CUL2: variants seen among roughly 807,000 people sequenced by gnomAD.
CUL2 encodes cullin 2.
Under a neutral mutation model 110.2 loss-of-function variants are expected in CUL2, and 22 were observed. The ratio of observed to expected loss-of-function variants is 0.20; its 90% confidence interval spans 0.14 to 0.28. CUL2 has a LOEUF of 0.28. CUL2 is among the 10% of genes least tolerant of loss of function. CUL2 has a pLI of 1.00. For missense variants in CUL2, 631 were observed against 905.5 expected (o/e 0.70, Z 3.89); for synonymous variants, 279 against 293.2 (o/e 0.95, Z 0.49).
chr10:35,090,126 AG>A (rs1195739718), intron 1 of CUL2, 52 bp downstream of exon 1: 1 of 152,398 alleles, frequency 6.6e-6, no homozygotes, highest in African/African-American at 2.4e-5. Context: ...TTAACCGGGA[AG>A]GGAAGTTTCC....
chr10:35,109,692 G>A (rs1338765847), intron 1 of CUL2, among the ~76,000 whole-genome samples: 3 of 152,218 alleles, frequency 2.0e-5, no homozygotes, highest in Middle Eastern at 3.2e-3. Flanking sequence ...GGATGGATGA[G>A]TTAGGTGTGT....
At chr10:35,032,579 C>T (rs946733574) in intron 11 of CUL2, 85 bp from the exon 12 acceptor site, 2 of 963,550 alleles carry the variant, frequency 2.1e-6, no homozygotes, top group African/African-American at 3.4e-5. Context: ...TCTGTACATC[C>T]AAAAATTACC....
intron 3 of CUL2, 25 bp from the exon 4 acceptor site, chr10:35,060,993 T>G: frequency 6.3e-7 from 1 of 1,587,514 alleles, no homozygotes. Flanking sequence ...AAAATATTTT[T>G]ACTTGAAAAG....
chr10:35,010,244 T>C lies in CUL2; in HGVS notation c.*67A>G, dbSNP rs2084865449. The C allele has an allele frequency of 1.4e-6, 2 of 1,455,392 alleles. No individual in the cohort carries two copies. Among genetic ancestry groups the C allele is most frequent in the Non-Finnish European group, 1.8e-6 (2 of 1,094,908 alleles). The allele number at this position is 1,455,392 out of a possible 1,614,324, so 90.2% of individuals were successfully genotyped here. A position where few individuals can be genotyped will look rare whatever the true frequency, so the allele number is the denominator to read the frequency against. ...AATTATGGAGGCACAGTCCTGCTTT[T>C]TCCCACAGGAACACACCAAATGGTG... On this transcript the variant is annotated 3_prime_UTR_variant, in exon 21 of 21. Coordinates refer to ENST00000374749, the MANE Select transcript of CUL2 (RefSeq NM_003591.4).
At chr10:35,099,841 ATGTGTTAAG>A (rs2087352269) in intron 2 of CUL2, among the ~76,000 whole-genome samples, 1 of 152,228 alleles carries the variant, frequency 6.6e-6, no homozygotes, top group African/African-American at 2.4e-5. Context: ...TAAATAAAAT[ATGTGTTAAG>A]TAAGCCAAAA....
At chr10:35,072,765 G>C (rs1414503776) in intron 1 of CUL2, among the ~76,000 whole-genome samples, 1 of 152,178 alleles carries the variant, frequency 6.6e-6, no homozygotes, top group Non-Finnish European at 1.5e-5. Context: ...CAAATTAAAA[G>C]AGAAACTTTC....
chr10:35,049,115 T>C, intron 6 of CUL2, among the ~76,000 whole-genome samples: 1 of 152,214 alleles, frequency 6.6e-6, no homozygotes. Context: ...GGATGTTCTA[T>C]TCTAGACTCC....
chr10:35,121,415 T>C (rs1229307459), intron 1 of CUL2, among the ~76,000 whole-genome samples: 2 of 152,134 alleles, frequency 1.3e-5, no homozygotes, highest in Non-Finnish European at 2.9e-5. Context: ...TTAGTAGAGA[T>C]GGGGTTTCGC....
At chr10:35,051,483 G>C (rs1028202158) in intron 5 of CUL2, among the ~76,000 whole-genome samples, 2 of 151,798 alleles carry the variant, frequency 1.3e-5, no homozygotes, top group Admixed American at 1.3e-4. Context: ...CGAGGTGGCG[G>C]GCGCCTGTAG....
chr10:35,067,199 G>C (rs550950076), intron 2 of CUL2, among the ~76,000 whole-genome samples: 2 of 151,570 alleles, frequency 1.3e-5, no homozygotes, highest in Non-Finnish European at 2.9e-5. Context: ...AATGGTGGGA[G>C]GATGAACTCA....
intron 2 of CUL2, chr10:35,063,713 T>G (rs1033235834): frequency 6.6e-6 from 1 of 151,536 alleles, no homozygotes; most frequent in African/African-American, 2.4e-5. Flanking sequence ...CCAGTGATCT[T>G]AACCAAGTTT....
intron 17 of CUL2, among the ~76,000 whole-genome samples, chr10:35,021,053 C>T (rs1278712409): frequency 3.3e-5 from 5 of 150,940 alleles, no homozygotes; most frequent in African/African-American, 7.3e-5. Context: ...CTGCCTCAGC[C>T]TCCCACAGTG....
intron 8 of CUL2, among the ~76,000 whole-genome samples, chr10:35,041,925 T>C (rs1289846250): frequency 1.3e-5 from 2 of 152,246 alleles, no homozygotes; most frequent in Non-Finnish European, 2.9e-5. Flanking sequence ...AGATGTAATT[T>C]ACATATTAAA....
chr10:35,047,337 G>A (rs1436245595), intron 6 of CUL2, among the ~76,000 whole-genome samples: 1 of 152,024 alleles, frequency 6.6e-6, no homozygotes, highest in Non-Finnish European at 1.5e-5. Context: ...TGGGCCAGGC[G>A]CAGTGGCTCA....
chr10:35,033,973 G>A (rs1487886625), intron 10 of CUL2, among the ~76,000 whole-genome samples: 1 of 152,202 alleles, frequency 6.6e-6, no homozygotes, highest in East Asian at 1.9e-4. Context: ...ACTAAAGGCT[G>A]AGAGAAAGGA....
chr10:35,031,371 G>T lies in CUL2; in HGVS notation c.1315C>A (p.Leu439Met), dbSNP rs753415159. Reference protein sequence around the residue: ...DVFQKFYARMLAKRLIHGLSM... With the variant: ...DVFQKFYARMMAKRLIHGLSM... ...AACCCATGAATTAAACGTTTTGCCA[G>T]CATTCTTGCGTAGAACTACATTTAA... is the stretch of plus-strand genomic sequence containing the variant. The change falls in exon 14 of 21, where the codon CTG (leucine) becomes ATG (methionine). Residue 439 changes from leucine to methionine, a missense_variant. Physicochemically the swap from Leu to Met is conservative, Grantham distance 15 (BLOSUM62 2). Coordinates refer to ENST00000374749, the MANE Select transcript of CUL2 (RefSeq NM_003591.4). The surrounding 1 kb of genome is among the most constrained non-coding windows in gnomAD (Gnocchi z 4.4). 1.2e-6 allele frequency: 2 copies of T among 1,608,708 alleles called. No individual in the cohort carries two copies. The highest frequency in any genetic ancestry group is 1.7e-6 in the Non-Finnish European group (2 of 1,177,382).
chr10:35,028,171 A>G (rs1313492933), intron 16 of CUL2, among the ~76,000 whole-genome samples: 2 of 152,206 alleles, frequency 1.3e-5, no homozygotes, highest in African/African-American at 4.8e-5. Context: ...ATGTCTGCAC[A>G]AATGCTCTTC....
intron 17 of CUL2, among the ~76,000 whole-genome samples, chr10:35,019,809 G>A (rs2085138610): frequency 6.6e-6 from 1 of 152,176 alleles, no homozygotes. Context: ...TTTGCAACCA[G>A]TAATGAAACA....
chr10:35,069,400 G>C (rs987976503), intron 2 of CUL2, among the ~76,000 whole-genome samples: 1 of 152,022 alleles, frequency 6.6e-6, no homozygotes, highest in African/African-American at 2.4e-5. Context: ...AATCAGCCAG[G>C]TGTGGTAGCA....
Sources: gnomAD v4.1 joint callset for allele counts (sites outside exome capture counted in the v4.1 genomes callset) on GRCh38, gnomAD v4.1.1 for gene constraint, Gnocchi (gnomAD v3.1) non-coding constraint, MANE v1.5 for transcripts, NCBI Gene and HGNC (gene_info 2026-07-23, HGNC 2026-07-21) for gene names.